Variants in MPPE1 observed in about 807,000 individuals in gnomAD.
MPPE1 encodes the protein metallo phosphoesterase.
MPPE1 carries 28 observed loss-of-function variants against 43.8 expected under a neutral mutation model. The observed-to-expected ratio is 0.64, with a 90% CI of 0.47 to 0.88. The LOEUF is 0.88. Ranked by LOEUF, MPPE1 falls within the 40% of genes least tolerant of loss-of-function variation. MPPE1 has a pLI of 0.00. For missense variants in MPPE1, 428 were observed against 492.2 expected, an observed-to-expected ratio of 0.87 and a Z score of 1.23; for synonymous variants, 159 against 188.5, an observed-to-expected ratio of 0.84 and a Z score of 1.28.
rs35611363 is a variant in MPPE1 at position 11,887,006 on chromosome 18, C to T, written c.589G>A (p.Val197Met). ...KGINFVMVNS[V>M]ALNGDGCGIC... Reference sequence around the variant, plus strand: ...CCACAGCCATCCCCGTTCAGCGCCACGCTGTTGACCATCACAAAGCTGAAG... The same window carrying T: ...CCACAGCCATCCCCGTTCAGCGCCATGCTGTTGACCATCACAAAGCTGAAG... Residue 197 changes from valine (V) to methionine (M), a missense_variant, in exon 7 of 11, where the codon GTG (valine) becomes ATG (methionine). Around this residue, in one of 3 missense-constraint regions of MPPE1, gnomAD observed 379 missense variants for 402.5 expected, o/e 0.94. Coordinates refer to ENST00000588072, the MANE Select transcript of MPPE1 (RefSeq NM_023075.6). The T allele has an allele frequency of 7.3e-4, 1,184 of 1,613,006 alleles. 10 individuals carry two copies. In the African/African-American group the frequency reaches 0.013, roughly 18 times the overall value.
Position 11,885,682 on chromosome 18 carries a change from G to A in MPPE1, c.1002C>T (p.Phe334=), listed in dbSNP as rs3208942. Reference sequence around the variant, plus strand: ...AAATAAACTTTCACGTTACCATGATGAAACTGGGGTTGTTTCTGTTCCTCC... The same window carrying A: ...AAATAAACTTTCACGTTACCATGATAAAACTGGGGTTGTTTCTGTTCCTCC... ...FSWRNRNNPS[F]IMGSITPTDY... Residue 334 remains phenylalanine, a synonymous_variant, in exon 10 of 11, where the codon TTC becomes TTT. Coordinates refer to ENST00000588072, the MANE Select transcript of MPPE1 (RefSeq NM_023075.6). The A allele has an allele frequency of 1.2e-6, 2 of 1,612,364 alleles. No individual in the cohort carries two copies. The highest frequency in any genetic ancestry group is 2.2e-5 in the South Asian group (2 of 91,000).
chr18:11,885,039 G>C (rs2036976394), intron 10 of MPPE1: 1 of 1,294,338 alleles, frequency 7.7e-7, no homozygotes, highest in South Asian at 1.2e-5. Context: ...CTAAGCATCT[G>C]TTCCCTAGAA....
chr18:11,889,485 C>T lies in MPPE1; in HGVS notation c.396G>A (p.Trp132Ter). ...DEGKWSTPEA[W>*]ADDVERFQKM... is the part of the protein sequence containing the mutation. Reference sequence around the variant, plus strand: ...TCTGAAACCGCTCCACATCATCCGCCCAGGCCTGAGGGAAAAAGAATCACT... The same window carrying T: ...TCTGAAACCGCTCCACATCATCCGCTCAGGCCTGAGGGAAAAAGAATCACT... The change falls in exon 5 of 11, where the codon TGG becomes TGA. Residue 132 changes from tryptophan (W) to a stop codon, truncating the protein, a stop_gained. Coordinates refer to ENST00000588072, the MANE Select transcript of MPPE1 (RefSeq NM_023075.6). LOFTEE classifies it high-confidence loss of function. 1 of 1,612,012 alleles carries T rather than the reference C, an allele frequency of 6.2e-7. No individual in the cohort carries two copies.
chr18:11,900,632 G>A (rs2039047686), intron 2 of MPPE1, among the ~76,000 whole-genome samples: 1 of 152,060 alleles, frequency 6.6e-6, no homozygotes, highest in South Asian at 2.1e-4. Flanking sequence ...AATAAGCCAG[G>A]CACAGTGGCT....
At chr18:11,898,135 C>G (rs2038784478) in intron 2 of MPPE1, among the ~76,000 whole-genome samples, 1 of 152,186 alleles carries the variant, frequency 6.6e-6, no homozygotes, top group Non-Finnish European at 1.5e-5. Flanking sequence ...GTGGTGTGAT[C>G]TGGGCTCACT....
At chr18:11,904,655 G>A (rs2039534564) in intron 2 of MPPE1, among the ~76,000 whole-genome samples, 1 of 152,196 alleles carries the variant, frequency 6.6e-6, no homozygotes, top group African/African-American at 2.4e-5. Flanking sequence ...GAGTGGCTGT[G>A]CGGGGCATGG....
In MPPE1 at chr18:11,883,645, A is replaced by G. The variant is rs2036783388; in HGVS notation, c.*800T>C. ...ATCTGATTCCATTAATTGATCAAGT[A>G]TAAAAATCTACGAAAACAATATGTT... On this transcript the variant is annotated 3_prime_UTR_variant, in exon 11 of 11. Transcript: ENST00000588072. The G allele has an allele frequency of 6.5e-6, 1 of 153,366 alleles. No individual in the cohort carries two copies. The highest frequency in any genetic ancestry group is 1.5e-5 in the Non-Finnish European group (1 of 68,046). 9.5% of individuals were successfully genotyped at this position (153,366 alleles called of 1,614,324 possible). A position where few individuals can be genotyped will look rare whatever the true frequency, so the allele number is the denominator to read the frequency against.
At chr18:11,896,950 G>C (rs953900038) in intron 3 of MPPE1, 34 bp downstream of exon 3, 2 of 1,591,524 alleles carry the variant, frequency 1.3e-6, no homozygotes, top group Admixed American at 1.7e-5. Flanking sequence ...TTTGCCTACA[G>C]AATTTTAGAA....
chr18:11,900,891 A>G (rs1270702953), intron 2 of MPPE1, among the ~76,000 whole-genome samples: 1 of 150,294 alleles, frequency 6.7e-6, no homozygotes, highest in Non-Finnish European at 1.5e-5. Flanking sequence ...TGGGCGACAG[A>G]GCAAGACTCC....
intron 2 of MPPE1, among the ~76,000 whole-genome samples, chr18:11,900,671 G>T (rs1249208873): frequency 6.6e-6 from 1 of 152,012 alleles, no homozygotes; most frequent in Non-Finnish European, 1.5e-5. Context: ...ACTTTGGGAG[G>T]CCAAGGTGGG....
In MPPE1 at chr18:11,888,755, T is replaced by C; in HGVS notation, c.495-12A>G. 1 of 1,535,388 alleles carries C rather than the reference T, an allele frequency of 6.5e-7. No homozygotes were observed. Among genetic ancestry groups the C allele is most frequent in the South Asian group, 1.2e-5 (1 of 82,784 alleles). ...TGTATGTGTTCATCCTATATTCAAT[T>C]GTGAGAAGAAACATTTTTCAGGACA... On this transcript the variant is annotated splice_polypyrimidine_tract_variant and intron_variant, in intron 5 of 10. Coordinates refer to ENST00000588072, the MANE Select transcript of MPPE1 (RefSeq NM_023075.6).
chr18:11,898,718 C>T (rs917552207), intron 2 of MPPE1, among the ~76,000 whole-genome samples: 3 of 152,114 alleles, frequency 2.0e-5, no homozygotes, highest in Non-Finnish European at 2.9e-5. Flanking sequence ...CCTATGACCC[C>T]ACCCAGAAGT....
At chr18:11,884,699 A>G in intron 10 of MPPE1, 72 bp from the exon 11 acceptor site, 1 of 1,503,736 alleles carries the variant, frequency 6.7e-7, no homozygotes, top group Non-Finnish European at 9.1e-7. Flanking sequence ...TAGAAACAGC[A>G]GAGGGAAGAC....
rs1041124705 is a variant in MPPE1 at position 11,890,152 on chromosome 18, C to A, written c.391-662G>T. On this transcript the variant is annotated intron_variant, in intron 4 of 10. Coordinates refer to ENST00000588072, the MANE Select transcript of MPPE1 (RefSeq NM_023075.6). ...AGAGACGGGGTTTCACTGTGTTAGC[C>A]AGGATGGTCGCGATCTCCTGACCTC... is the stretch of plus-strand genomic sequence containing the variant. 7.2e-5 allele frequency among the ~76,000 whole-genome samples: 11 copies of A among 151,864 alleles called. No individual in the cohort carries two copies. The East Asian group carries it at 1.4e-3, about 19-fold the overall frequency.
In MPPE1 at chr18:11,882,884, T is replaced by G. The variant is rs945827949; in HGVS notation, c.*1561A>C. ...CAAACATTATGACACACCAACAATATCTAGAAAGTAAGAACTGGTGTAGCA... is the reference window on the plus strand; with the variant it reads ...CAAACATTATGACACACCAACAATAGCTAGAAAGTAAGAACTGGTGTAGCA... On this transcript the variant is annotated 3_prime_UTR_variant, in exon 11 of 11. Transcript: ENST00000588072. 10 of 152,050 alleles carry G rather than the reference T, an allele frequency of 6.6e-5. No homozygotes were observed. Among genetic ancestry groups the G allele is most frequent in the Admixed American group, 4.6e-4 (7 of 15,264 alleles). The allele number at this position is 152,050 out of a possible 1,614,324, so 9.4% of individuals were successfully genotyped here.
intron 1 of MPPE1, among the ~76,000 whole-genome samples, chr18:11,906,565 T>C (rs2039730332): frequency 6.6e-6 from 1 of 152,096 alleles, no homozygotes; most frequent in Admixed American, 6.6e-5. Flanking sequence ...AGCCAAATAT[T>C]TTATCTTTAG....
In MPPE1 at chr18:11,886,289, G is replaced by A. The variant is rs2037229326; in HGVS notation, c.867+210C>T. On this transcript the variant is annotated intron_variant, in intron 9 of 10. Transcript: ENST00000588072. The surrounding 1 kb of genome is among the most constrained non-coding windows in gnomAD (Gnocchi z 4.1). ...ATTACTGACTTGAGGGTAGGAAACA[G>A]AAGTAGGTTTACTGGAAAAAAAAAA... is the stretch of plus-strand genomic sequence containing the variant. 1 of 616,730 alleles carries A rather than the reference G, an allele frequency of 1.6e-6. No individual in the cohort carries two copies. Among genetic ancestry groups the A allele is most frequent in the Non-Finnish European group, 2.8e-6 (1 of 357,862 alleles). The allele number at this position is 616,730 out of a possible 1,614,324, so 38.2% of individuals were successfully genotyped here.
Position 11,887,009 on chromosome 18 carries a change from T to A in MPPE1, c.586A>T (p.Ser196Cys). ...WKGINFVMVN[S>C]VALNGDGCGI... ...CAGCCATCCCCGTTCAGCGCCACGC[T>A]GTTGACCATCACAAAGCTGAAGCGG... is the stretch of plus-strand genomic sequence containing the variant. The change falls in exon 7 of 11, where the codon AGC becomes TGC. Residue 196 changes from serine to cysteine, a missense_variant. By Grantham distance (112) the Ser-to-Cys change is moderately radical (BLOSUM62 -1). This residue lies in a region of MPPE1 where 379 missense variants were observed against 402.5 expected (regional missense o/e 0.94). Transcript: ENST00000588072. 1 of 1,612,768 alleles carries A rather than the reference T, an allele frequency of 6.2e-7. No individual in the cohort carries two copies. Among genetic ancestry groups the A allele is most frequent in the Non-Finnish European group, 8.5e-7 (1 of 1,179,018 alleles).
intron 4 of MPPE1, among the ~76,000 whole-genome samples, 154 bp from the exon 5 acceptor site, chr18:11,889,644 C>T (rs566734296): frequency 2.0e-5 from 3 of 152,016 alleles, no homozygotes; most frequent in Non-Finnish European, 4.4e-5. Flanking sequence ...CTCACTGCAA[C>T]CTCCATCTCC....
Sources: gnomAD v4.1 joint callset for allele counts (sites outside exome capture counted in the v4.1 genomes callset) on GRCh38, gnomAD v4.1.1 for gene constraint, gnomAD v4.1.1 regional missense constraint, Gnocchi (gnomAD v3.1) non-coding constraint, MANE v1.5 for transcripts, NCBI Gene and HGNC (gene_info 2026-07-23, HGNC 2026-07-21) for gene names.